The following ELMO1 variants were observed in gnomAD, a reference collection of about 807,000 sequenced individuals.
ELMO1 encodes the protein engulfment and cell motility 1, also known as engulfment and cell motility protein 1.
ELMO1 carries 26 observed loss-of-function variants against 98.9 expected under a neutral mutation model. The ratio of observed to expected loss-of-function variants is 0.26; its 90% CI spans 0.19 to 0.36. The LOEUF (loss-of-function observed/expected upper bound fraction) is 0.36, where lower values mean the gene tolerates loss of function less well. ELMO1 is among the 10% of genes least tolerant of loss of function. ELMO1 has a pLI of 1.00. For missense variants in ELMO1, 627 were observed against 935.2 expected (o/e 0.67, Z 4.30); for synonymous variants, 346 against 346.0 (o/e 1.00, Z 0.00).
At chr7:37,151,415 C>T (rs908278798) in intron 13 of ELMO1, among the ~76,000 whole-genome samples, 7 of 152,114 alleles carry the variant, frequency 4.6e-5, no homozygotes, top group Admixed American at 2.0e-4. Flanking sequence ...GCAATTAGGC[C>T]GGCTCCCGGT....
chr7:37,080,691 T>C (rs542525343), intron 15 of ELMO1, among the ~76,000 whole-genome samples: 25 of 149,622 alleles, frequency 1.7e-4, no homozygotes, highest in African/African-American at 5.9e-4. Flanking sequence ...GACCTCGTGA[T>C]CCACCTTCCT....
chr7:37,356,642 C>A (rs887802360), intron 1 of ELMO1, among the ~76,000 whole-genome samples: 1 of 151,564 alleles, frequency 6.6e-6, no homozygotes, highest in Non-Finnish European at 1.5e-5. Context: ...GATGGAATTA[C>A]GAGAAATACC....
At chr7:37,033,515 A>G in intron 15 of ELMO1, 1 of 407,732 alleles carries the variant, frequency 2.5e-6, no homozygotes, top group Non-Finnish European at 4.8e-6. Context: ...AATACACCAA[A>G]CAGACACTGG....
intron 16 of ELMO1, chr7:36,985,973 G>A (rs1562878231): frequency 2.0e-6 from 2 of 1,002,806 alleles, no homozygotes; most frequent in Non-Finnish European, 2.4e-6. Context: ...ATTCTAAGCT[G>A]CTGCCACCAC....
intron 2 of ELMO1, among the ~76,000 whole-genome samples, chr7:37,340,674 T>C (rs150514639): frequency 7.2e-5 from 11 of 152,334 alleles, no homozygotes; most frequent in Non-Finnish European, 1.3e-4. Flanking sequence ...GGTATAAATG[T>C]AAGCATATAC....
chr7:37,106,831 C>A lies in ELMO1; in HGVS notation c.1192-10104G>T, dbSNP rs73690301. Among the ~76,000 whole-genome samples, 665 of 152,278 alleles carry A rather than the reference C, an allele frequency of 4.4e-3. 5 individuals carry two copies. The highest frequency in any genetic ancestry group is 0.015 in the African/African-American group (636 of 41,556). On this transcript the variant is annotated intron_variant, in intron 14 of 21. Transcript: ENST00000310758. ...TTCACATTGTAAATTACTTTGCAGA[C>A]ATATACAATCCCAGTACTTCTCAAA...
intron 8 of ELMO1, among the ~76,000 whole-genome samples, chr7:37,230,567 G>A (rs1457141644): frequency 6.6e-6 from 1 of 152,184 alleles, no homozygotes. Flanking sequence ...TATCTGTTCT[G>A]TTCTGGAAAG....
chr7:37,330,232 A>AT (rs1800031051), intron 2 of ELMO1, among the ~76,000 whole-genome samples: 1 of 152,208 alleles, frequency 6.6e-6, no homozygotes, highest in Admixed American at 6.5e-5. Context: ...GGAACTGCCA[A>AT]TTAGACATAG....
At chr7:37,031,754 G>T (rs1424855987) in intron 15 of ELMO1, among the ~76,000 whole-genome samples, 1 of 152,138 alleles carries the variant, frequency 6.6e-6, no homozygotes, top group Non-Finnish European at 1.5e-5. Flanking sequence ...ATGTTTACAC[G>T]TGAAGCAGGC....
intron 13 of ELMO1, among the ~76,000 whole-genome samples, chr7:37,175,257 G>A (rs190301101): frequency 2.0e-3 from 305 of 152,246 alleles, no homozygotes; most frequent in African/African-American, 7.1e-3. Context: ...TTTTGAATAC[G>A]GGCTTCATAG....
At chr7:37,148,291 G>GAC (rs373986768) in intron 13 of ELMO1, among the ~76,000 whole-genome samples, 2 of 152,104 alleles carry the variant, frequency 1.3e-5, no homozygotes, top group Non-Finnish European at 2.9e-5. Flanking sequence ...AATACAGAAA[G>GAC]ACACACACAC....
In ELMO1 at chr7:36,943,165, G is replaced by A. The variant is rs970923175; in HGVS notation, c.1438-48148C>T. Among the ~76,000 whole-genome samples, 5 of 152,170 alleles carry A rather than the reference G, an allele frequency of 3.3e-5. No individual in the cohort carries two copies. The South Asian group carries it at 6.2e-4, about 19-fold the overall frequency. On this transcript the variant is annotated intron_variant, in intron 16 of 21. Transcript: ENST00000310758. ...TGGGGACAACGCTGGCCACTGCAGC[G>A]GGTCGAGGTGGGTGAACATGCAAAT...
At chr7:37,437,208 C>T (rs1031137157) in intron 1 of ELMO1, among the ~76,000 whole-genome samples, 5 of 152,080 alleles carry the variant, frequency 3.3e-5, no homozygotes, top group Non-Finnish European at 5.9e-5. Context: ...CCCTGTGCAC[C>T]CTTGGACAAA....
At chr7:37,080,367 C>A (rs956558975) in intron 15 of ELMO1, among the ~76,000 whole-genome samples, 2 of 151,896 alleles carry the variant, frequency 1.3e-5, no homozygotes, top group Non-Finnish European at 2.9e-5. Flanking sequence ...TCTCTTTCTA[C>A]GTAGAGTAAA....
At chr7:36,895,716 T>C (rs1320130706) in intron 16 of ELMO1, among the ~76,000 whole-genome samples, 4 of 152,222 alleles carry the variant, frequency 2.6e-5, no homozygotes, top group African/African-American at 9.6e-5. Flanking sequence ...ACTGCCTCTA[T>C]TAATGTGGGT....
chr7:37,113,506 CAG>C (rs1435900429), intron 14 of ELMO1, among the ~76,000 whole-genome samples: 14 of 152,234 alleles, frequency 9.2e-5, no homozygotes, highest in African/African-American at 3.4e-4. Context: ...GAAAGCTGCT[CAG>C]AGACTAATGG....
intron 13 of ELMO1, chr7:37,197,079 A>G (rs1792005956): frequency 1.3e-5 from 2 of 152,232 alleles, no homozygotes; most frequent in Non-Finnish European, 2.9e-5. Context: ...AAGAAAGCAA[A>G]GGGTTAATAA....
chr7:37,190,051 A>AG (rs1791472691), intron 13 of ELMO1, among the ~76,000 whole-genome samples: 1 of 151,798 alleles, frequency 6.6e-6, no homozygotes, highest in African/African-American at 2.4e-5. Flanking sequence ...AAAAAAAAAA[A>AG]AAAAGGAAGA....
At chr7:37,185,496 T>A (rs1791141260) in intron 13 of ELMO1, among the ~76,000 whole-genome samples, 1 of 152,198 alleles carries the variant, frequency 6.6e-6, no homozygotes, top group Non-Finnish European at 1.5e-5. Context: ...GTAGTGGGCA[T>A]GGTAAACCCA....
Sources: gnomAD v4.1 joint callset for allele counts (sites outside exome capture counted in the v4.1 genomes callset) on GRCh38, gnomAD v4.1.1 for gene constraint, MANE v1.5 for transcripts, NCBI Gene and HGNC (gene_info 2026-07-23, HGNC 2026-07-21) for gene names.